SOX5: variants seen among roughly 807,000 people sequenced by gnomAD.
The protein encoded by SOX5 is transcription factor SOX-5.
In SOX5, 9 loss-of-function variants were observed where a neutral mutation model predicts 92.0. The ratio of observed to expected loss-of-function variants is 0.10; its 90% CI spans 0.06 to 0.17. The LOEUF is 0.17. Ranked by LOEUF, SOX5 falls within the 10% of genes least tolerant of loss-of-function variation. The pLI is 1.00. For synonymous variants in SOX5, 344 were observed against 336.3 expected, an observed-to-expected ratio of 1.02 and a Z score of -0.25; for missense variants, 642 against 944.5, an observed-to-expected ratio of 0.68 and a Z score of 4.20.
chr12:24,417,904 T>G (rs1299738558), intron 1 of SOX5, among the ~76,000 whole-genome samples: 1 of 152,188 alleles, frequency 6.6e-6, no homozygotes, highest in Non-Finnish European at 1.5e-5. Context: ...AGGGCAAGTT[T>G]AATCATATTT....
At chr12:24,207,830 T>G (rs535700397) in intron 4 of SOX5, among the ~76,000 whole-genome samples, 2 of 152,314 alleles carry the variant, frequency 1.3e-5, no homozygotes, top group East Asian at 3.9e-4. Flanking sequence ...CAAGTTTAAA[T>G]TCATATAGCT....
intron 1 of SOX5, among the ~76,000 whole-genome samples, chr12:24,520,729 T>C (rs1950195421): frequency 6.6e-6 from 1 of 152,144 alleles, no homozygotes; most frequent in South Asian, 2.1e-4. Flanking sequence ...AATCCAGTGA[T>C]ATACTCTTTA....
intron 3 of SOX5, among the ~76,000 whole-genome samples, chr12:24,228,340 T>G (rs1388805018): frequency 6.6e-6 from 1 of 152,230 alleles, no homozygotes; most frequent in Non-Finnish European, 1.5e-5. Flanking sequence ...CTGGTTTCTC[T>G]CTATCAAAAT....
At chr12:23,570,322 CTGTAAAG>C (rs1418842457) in intron 10 of SOX5, among the ~76,000 whole-genome samples, 3 of 152,146 alleles carry the variant, frequency 2.0e-5, no homozygotes, top group Admixed American at 2.0e-4. Flanking sequence ...AGTTTGCAAA[CTGTAAAG>C]TGTTATGCAA....
chr12:23,679,354 T>C (rs2086215709), intron 6 of SOX5, among the ~76,000 whole-genome samples: 1 of 152,154 alleles, frequency 6.6e-6, no homozygotes, highest in Middle Eastern at 3.2e-3. Flanking sequence ...TACCAGGACA[T>C]TTCTACAATG....
At chr12:24,321,492 A>T (rs1246600669) in intron 2 of SOX5, among the ~76,000 whole-genome samples, 1 of 152,074 alleles carries the variant, frequency 6.6e-6, no homozygotes, top group African/African-American at 2.4e-5. Flanking sequence ...CTTACTATAT[A>T]AAAGTCAAAG....
In SOX5 at chr12:24,004,308, C is replaced by CA. The variant is rs33923653; in HGVS notation, c.-1-108285dup. On this transcript the variant is annotated intron_variant, in intron 4 of 4. Transcript: ENST00000446891. Reference sequence around the variant, plus strand: ...ATCAAAATTAAAAACTTTTGTTTCTCAAAAAAAAAAACACAAGCATATGAA... The same window carrying CA: ...ATCAAAATTAAAAACTTTTGTTTCTCAAAAAAAAAAAACACAAGCATATGAA... Among the ~76,000 whole-genome samples the CA allele has an allele frequency of 9.4e-3, 1,377 of 147,142 alleles. 22 individuals carry two copies. The highest frequency in any genetic ancestry group is 0.033 in the African/African-American group (1,318 of 40,432).
intron 1 of SOX5, among the ~76,000 whole-genome samples, chr12:23,923,783 G>A (rs1324710724): frequency 6.6e-6 from 1 of 151,784 alleles, no homozygotes; most frequent in African/African-American, 2.4e-5. Flanking sequence ...TCATGATTAC[G>A]TGATTTTATT....
intron 9 of SOX5, among the ~76,000 whole-genome samples, chr12:23,596,962 T>C (rs1488655049): frequency 6.6e-6 from 1 of 152,224 alleles, no homozygotes; most frequent in Non-Finnish European, 1.5e-5. Flanking sequence ...AGGTTTTAAC[T>C]ACCTGCTGTT....
chr12:24,325,908 G>A (rs949198751), intron 2 of SOX5, among the ~76,000 whole-genome samples: 15 of 152,164 alleles, frequency 9.9e-5, no homozygotes, highest in African/African-American at 2.2e-4. Context: ...GCACGCGCGC[G>A]CGTGTGTGTG....
chr12:23,944,408 C>T (rs1395754959), intron 1 of SOX5: 1 of 152,068 alleles, frequency 6.6e-6, no homozygotes, highest in East Asian at 1.9e-4. Context: ...GCCACAATAT[C>T]TCCAGAGAAG....
chr12:24,245,236 TG>T (rs1938429495), intron 3 of SOX5, among the ~76,000 whole-genome samples: 1 of 3,964 alleles, frequency 2.5e-4, no homozygotes, highest in Non-Finnish European at 5.2e-4. Context: ...TGGAGAGATT[TG>T]TGTGTGTGTG....
intron 2 of SOX5, among the ~76,000 whole-genome samples, chr12:24,290,163 A>G (rs1946454566): frequency 1.3e-5 from 2 of 152,222 alleles, no homozygotes; most frequent in Non-Finnish European, 2.9e-5. Context: ...AGTTCTTAAC[A>G]ATGCACCCAG....
At chr12:24,484,133 G>A (rs1946282704) in intron 1 of SOX5, among the ~76,000 whole-genome samples, 1 of 152,102 alleles carries the variant, frequency 6.6e-6, no homozygotes, top group Non-Finnish European at 1.5e-5. Flanking sequence ...TATTTATCAT[G>A]TCTCTTACCA....
At chr12:24,375,268 C>G (rs925951825) in intron 1 of SOX5, among the ~76,000 whole-genome samples, 3 of 152,002 alleles carry the variant, frequency 2.0e-5, no homozygotes, top group African/African-American at 7.2e-5. Context: ...CCACCGTGCC[C>G]TGCAAGAGTG....
intron 2 of SOX5, among the ~76,000 whole-genome samples, chr12:24,338,871 G>A (rs1293625347): frequency 6.6e-6 from 1 of 152,200 alleles, no homozygotes; most frequent in East Asian, 1.9e-4. Context: ...TCATGTGGAT[G>A]TGGAACTGTG....
chr12:23,543,428 G>A, intron 12 of SOX5, 44 bp from the exon 13 acceptor site: 3 of 1,507,974 alleles, frequency 2.0e-6, no homozygotes, highest in East Asian at 2.3e-5. Flanking sequence ...TAAAACTTTT[G>A]TCAGCTCTTT....
chr12:24,458,550 G>T (rs1283044386), intron 1 of SOX5, among the ~76,000 whole-genome samples: 2 of 152,106 alleles, frequency 1.3e-5, no homozygotes, highest in Non-Finnish European at 2.9e-5. Flanking sequence ...CTGGGGGGTA[G>T]GATGGGACCC....
intron 1 of SOX5, among the ~76,000 whole-genome samples, chr12:24,548,568 G>A (rs975170828): frequency 6.6e-6 from 1 of 152,204 alleles, no homozygotes; most frequent in Non-Finnish European, 1.5e-5. Context: ...TAGAAGTATG[G>A]ATTTAAGCAC....
Sources: allele counts gnomAD v4.1 joint callset (sites outside exome capture counted in the v4.1 genomes callset), GRCh38; gene constraint gnomAD v4.1.1; transcripts MANE v1.5; gene names NCBI Gene and HGNC (gene_info 2026-07-23, HGNC 2026-07-21).